Variants in WWOX observed in about 807,000 individuals in gnomAD.
WWOX encodes WW domain containing oxidoreductase, also known as WW domain-containing oxidoreductase.
Under a neutral mutation model 46.2 loss-of-function variants are expected in WWOX, and 69 were observed. The ratio of observed to expected loss-of-function variants is 1.49; its 90% CI spans 1.23 to 1.82. The LOEUF is 1.82. Ranked by LOEUF, WWOX falls within the 40% of genes most tolerant of loss-of-function variation. WWOX has a pLI of 0.00. For missense variants in WWOX, 919 were observed against 542.6 expected, an observed-to-expected ratio of 1.69 and a Z score of -6.89; for synonymous variants, 359 against 202.6, an observed-to-expected ratio of 1.77 and a Z score of -6.56.
intron 8 of WWOX, among the ~76,000 whole-genome samples, chr16:78,666,249 A>C (rs1471568160): frequency 2.0e-5 from 3 of 152,090 alleles, no homozygotes; most frequent in Non-Finnish European, 1.5e-5. Context: ...TGATCCTGCC[A>C]CTGCACTCTA....
intron 8 of WWOX, among the ~76,000 whole-genome samples, chr16:78,731,103 G>C (rs185266047): frequency 1.3e-5 from 2 of 152,238 alleles, no homozygotes; most frequent in Admixed American, 1.3e-4. Flanking sequence ...GAAATTGCTT[G>C]CTTTTGTTTT....
At chr16:78,850,536 G>T (rs1316592427) in intron 8 of WWOX, among the ~76,000 whole-genome samples, 1 of 152,144 alleles carries the variant, frequency 6.6e-6, no homozygotes, top group Non-Finnish European at 1.5e-5. Context: ...ATGTTGCAAT[G>T]AAACGTTTGT....
At chr16:78,567,934 G>C (rs562651956) in intron 8 of WWOX, among the ~76,000 whole-genome samples, 1 of 152,244 alleles carries the variant, frequency 6.6e-6, no homozygotes, top group South Asian at 2.1e-4. Context: ...GGCTCACCGG[G>C]GCTCTGCGAG....
At chr16:79,025,718 A>G (rs138602482) in intron 8 of WWOX, among the ~76,000 whole-genome samples, 84 of 151,632 alleles carry the variant, frequency 5.5e-4, no homozygotes, top group African/African-American at 2.0e-3. Context: ...TATACCCTTT[A>G]ATGATTTTCT....
At chr16:78,685,494 A>G (rs1002077939) in intron 8 of WWOX, among the ~76,000 whole-genome samples, 1 of 152,206 alleles carries the variant, frequency 6.6e-6, no homozygotes, top group African/African-American at 2.4e-5. Flanking sequence ...AGTGCATTTT[A>G]AAACTAGACC....
chr16:78,851,820 A>G (rs958237632), intron 8 of WWOX, among the ~76,000 whole-genome samples: 3 of 152,234 alleles, frequency 2.0e-5, no homozygotes, highest in Non-Finnish European at 4.4e-5. Flanking sequence ...TTCACTTGCT[A>G]ATGCATTTTC....
chr16:78,162,340 C>G (rs915613365), intron 4 of WWOX, among the ~76,000 whole-genome samples: 1 of 152,052 alleles, frequency 6.6e-6, no homozygotes, highest in Non-Finnish European at 1.5e-5. Context: ...AAACTATCTG[C>G]AGTTTTTAGC....
intron 5 of WWOX, among the ~76,000 whole-genome samples, chr16:78,227,005 T>C (rs74027948): frequency 0.03 from 4,560 of 152,330 alleles, 232 homozygotes; most frequent in African/African-American, 0.1. Flanking sequence ...TCTGTTACCA[T>C]TGGCATGTGC....
chr16:79,202,520 C>T (rs1053488807), intron 8 of WWOX: 1 of 152,242 alleles, frequency 6.6e-6, no homozygotes, highest in Non-Finnish European at 1.5e-5. Context: ...CACTGTTGTT[C>T]CCGGGCCTGT....
intron 8 of WWOX, among the ~76,000 whole-genome samples, chr16:79,185,675 C>T (rs1050462873): frequency 1.3e-5 from 2 of 152,024 alleles, no homozygotes; most frequent in African/African-American, 4.8e-5. Flanking sequence ...TTTGGCAGAG[C>T]CTGTGCTAAG....
intron 8 of WWOX, chr16:78,994,452 G>T (rs1033583088): frequency 3.3e-5 from 5 of 152,134 alleles, no homozygotes; most frequent in African/African-American, 1.2e-4. Context: ...TTAACAGGGA[G>T]CCCTGACTGA....
chr16:78,825,486 A>T, intron 8 of WWOX: 2 of 456,446 alleles, frequency 4.4e-6, no homozygotes, highest in Non-Finnish European at 8.8e-6. Context: ...TCTGGAATTG[A>T]CTGCTGTAGT....
At chr16:79,132,127 A>AACACACACACACACACAC (rs141785224) in intron 8 of WWOX, among the ~76,000 whole-genome samples, 1 of 141,486 alleles carries the variant, frequency 7.1e-6, no homozygotes, top group Non-Finnish European at 1.6e-5. Context: ...CACTTGCAGA[A>AACACACACACACACACAC]ACACACACAC....
chr16:78,587,031 T>C (rs553115072), intron 8 of WWOX, among the ~76,000 whole-genome samples: 1 of 152,040 alleles, frequency 6.6e-6, no homozygotes, highest in African/African-American at 2.4e-5. Context: ...ATTTAGTTAG[T>C]GTTCCTTTTT....
intron 5 of WWOX, among the ~76,000 whole-genome samples, chr16:78,327,645 T>C (rs1452997598): frequency 6.6e-6 from 1 of 152,168 alleles, no homozygotes. Context: ...CTTCTATTTT[T>C]ATTTAAAAAT....
At chr16:79,021,976 G>T (rs1473661552) in intron 8 of WWOX, among the ~76,000 whole-genome samples, 2 of 152,192 alleles carry the variant, frequency 1.3e-5, no homozygotes, top group Non-Finnish European at 1.5e-5. Flanking sequence ...CTCTCTGCAG[G>T]CACATAGTAA....
At chr16:78,101,720 A>G (rs975106007) in intron 1 of WWOX, among the ~76,000 whole-genome samples, 2 of 152,166 alleles carry the variant, frequency 1.3e-5, no homozygotes, top group South Asian at 2.1e-4. Context: ...GATGTGAACC[A>G]CTGCTGCCTT....
intron 8 of WWOX, among the ~76,000 whole-genome samples, chr16:78,956,783 G>A (rs536141926): frequency 1.3e-5 from 2 of 152,284 alleles, no homozygotes; most frequent in South Asian, 4.1e-4. Context: ...CCTCAGACCT[G>A]TAGGGGAAAC....
chr16:78,161,026 T>C (rs2034775151), intron 4 of WWOX, among the ~76,000 whole-genome samples: 1 of 152,206 alleles, frequency 6.6e-6, no homozygotes, highest in African/African-American at 2.4e-5. Flanking sequence ...TTGTGAAATA[T>C]TCAGCACTTT....
Sources: allele counts gnomAD v4.1 joint callset (sites outside exome capture counted in the v4.1 genomes callset), GRCh38; gene constraint gnomAD v4.1.1; transcripts MANE v1.5; gene names NCBI Gene and HGNC (gene_info 2026-07-23, HGNC 2026-07-21).